FAM78B: variants seen among roughly 807,000 people sequenced by gnomAD.
FAM78B encodes the protein protein FAM78B.
A neutral mutation model predicts 20.0 loss-of-function variants in FAM78B; 10 were observed. The observed-to-expected ratio is 0.50, with a 90% CI of 0.31 to 0.85. The LOEUF (loss-of-function observed/expected upper bound fraction) is 0.85. FAM78B is among the 40% of genes least tolerant of loss of function. The pLI, the probability that FAM78B is intolerant of heterozygous loss-of-function variation, is 0.05. For missense variants in FAM78B, 283 were observed against 345.0 expected (o/e 0.82, Z 1.42); for synonymous variants, 135 against 132.8 (o/e 1.02, Z -0.12).
chr1:166,113,632 G>A (rs925389531), intron 1 of FAM78B, among the ~76,000 whole-genome samples: 50 of 152,370 alleles, frequency 3.3e-4, no homozygotes, highest in African/African-American at 1.2e-3. Context: ...CTGGCTGGAA[G>A]GACTGGAGCC....
intron 1 of FAM78B, among the ~76,000 whole-genome samples, chr1:166,126,127 C>A (rs1228445323): frequency 6.6e-6 from 1 of 152,124 alleles, no homozygotes; most frequent in Admixed American, 6.5e-5. Context: ...AGCCACTGTG[C>A]CCGGCCTATT....
At chr1:166,165,841 A>T in intron 1 of FAM78B, 145 bp downstream of exon 1, 1 of 876,814 alleles carries the variant, frequency 1.1e-6, no homozygotes, top group Non-Finnish European at 1.7e-6. Context: ...AAGCGTAGGG[A>T]GGAGGGAGGT....
intron 1 of FAM78B, among the ~76,000 whole-genome samples, chr1:166,131,940 A>C (rs1343575406): frequency 1.3e-5 from 2 of 152,144 alleles, no homozygotes; most frequent in Non-Finnish European, 1.5e-5. Context: ...AGTGGTGTAC[A>C]TGCATTGCTC....
At chr1:166,124,183 C>T (rs1256154149) in intron 1 of FAM78B, among the ~76,000 whole-genome samples, 3 of 152,192 alleles carry the variant, frequency 2.0e-5, no homozygotes, top group Non-Finnish European at 4.4e-5. Flanking sequence ...TTTCAACACC[C>T]TTTTCCTGGA....
At chr1:166,146,265 T>G (rs1317650617) in intron 1 of FAM78B, among the ~76,000 whole-genome samples, 4 of 152,210 alleles carry the variant, frequency 2.6e-5, no homozygotes, top group Non-Finnish European at 5.9e-5. Context: ...TTCTATTTTC[T>G]TCACTCAGGG....
At chr1:166,063,109 A>C (rs1017724865) in intron 2 of FAM78B, among the ~76,000 whole-genome samples, 4 of 152,222 alleles carry the variant, frequency 2.6e-5, no homozygotes, top group African/African-American at 9.7e-5. Context: ...GATAGAGAGA[A>C]CTAAGCAGGC....
At chr1:166,073,397 G>A (rs1340756600) in intron 1 of FAM78B, among the ~76,000 whole-genome samples, 1 of 152,168 alleles carries the variant, frequency 6.6e-6, no homozygotes, top group Non-Finnish European at 1.5e-5. Context: ...TACGATTTAA[G>A]TCTAGTGAAT....
At chr1:166,102,547 G>T (rs1388071405) in intron 1 of FAM78B, among the ~76,000 whole-genome samples, 1 of 151,814 alleles carries the variant, frequency 6.6e-6, no homozygotes, top group South Asian at 2.1e-4. Flanking sequence ...AAAAAGGCAG[G>T]GGTTGCAATC....
intron 1 of FAM78B, among the ~76,000 whole-genome samples, chr1:166,109,039 C>G (rs1653896050): frequency 6.6e-6 from 1 of 152,090 alleles, no homozygotes; most frequent in African/African-American, 2.4e-5. Flanking sequence ...AACCTAAGAC[C>G]CAAAACTATA....
intron 1 of FAM78B, among the ~76,000 whole-genome samples, chr1:166,084,570 T>C (rs541115106): frequency 6.6e-6 from 1 of 152,322 alleles, no homozygotes; most frequent in South Asian, 2.1e-4. Flanking sequence ...ATAGTGGTTA[T>C]TCCCAAGGGA....
intron 1 of FAM78B, among the ~76,000 whole-genome samples, chr1:166,084,002 T>C (rs994845146): frequency 8.6e-5 from 13 of 152,006 alleles, no homozygotes; most frequent in Non-Finnish European, 1.8e-4. Context: ...ACTGAGTATT[T>C]CCCTTCCATC....
At chr1:166,134,436 G>A (rs1030639260) in intron 1 of FAM78B, among the ~76,000 whole-genome samples, 5 of 152,092 alleles carry the variant, frequency 3.3e-5, no homozygotes, top group African/African-American at 9.6e-5. Context: ...TGGTTGGGCT[G>A]AGTACCCCCT....
At chr1:166,142,248 C>T (rs1655306680) in intron 1 of FAM78B, among the ~76,000 whole-genome samples, 1 of 152,170 alleles carries the variant, frequency 6.6e-6, no homozygotes, top group Non-Finnish European at 1.5e-5. Context: ...GTGTCTTGAA[C>T]CACTAGGGTC....
chr1:166,131,334 A>G (rs1000583258), intron 1 of FAM78B, among the ~76,000 whole-genome samples: 1 of 152,056 alleles, frequency 6.6e-6, no homozygotes, highest in African/African-American at 2.4e-5. Flanking sequence ...GTGTCTCCAA[A>G]TTATGTAAGA....
At chr1:166,162,837 C>T (rs1656200680) in intron 1 of FAM78B, among the ~76,000 whole-genome samples, 1 of 152,128 alleles carries the variant, frequency 6.6e-6, no homozygotes, top group Non-Finnish European at 1.5e-5. Flanking sequence ...CCTTAAAACA[C>T]CTTCTATTTT....
intron 1 of FAM78B, among the ~76,000 whole-genome samples, chr1:166,140,380 C>T (rs1182873133): frequency 1.3e-5 from 2 of 152,182 alleles, no homozygotes; most frequent in South Asian, 2.1e-4. Flanking sequence ...ATATGTAAAC[C>T]GAACTCCAGA....
At chr1:166,105,909 A>C (rs1266435082) in intron 1 of FAM78B, among the ~76,000 whole-genome samples, 2 of 151,810 alleles carry the variant, frequency 1.3e-5, no homozygotes, top group African/African-American at 4.8e-5. Context: ...ATGCACACGT[A>C]TGTTTATTGC....
chr1:166,123,440 G>T (rs1266227495), intron 1 of FAM78B, among the ~76,000 whole-genome samples: 1 of 152,236 alleles, frequency 6.6e-6, no homozygotes, highest in Non-Finnish European at 1.5e-5. Context: ...AAAGATGACA[G>T]CCCTTCACTG....
chr1:166,155,483 G>T (rs1193155918), intron 1 of FAM78B, among the ~76,000 whole-genome samples: 1 of 152,200 alleles, frequency 6.6e-6, no homozygotes, highest in African/African-American at 2.4e-5. Context: ...AGTTGAGTAA[G>T]TTGCTCATGG....
Sources: gnomAD v4.1 joint callset for allele counts (sites outside exome capture counted in the v4.1 genomes callset) on GRCh38, gnomAD v4.1.1 for gene constraint, MANE v1.5 for transcripts, NCBI Gene and HGNC (gene_info 2026-07-23, HGNC 2026-07-21) for gene names.